The following MAPK8 variants were observed in gnomAD, a reference collection of about 807,000 sequenced individuals.
MAPK8 encodes the protein JUN N-terminal kinase.
A neutral mutation model predicts 52.9 loss-of-function variants in MAPK8; 13 were observed. That is an observed-to-expected ratio of 0.25 (90% CI 0.16 to 0.39). The LOEUF is 0.39. MAPK8 is among the 10% of genes least tolerant of loss of function. MAPK8 has a pLI of 1.00. For missense variants in MAPK8, 300 were observed against 519.2 expected (o/e 0.58, Z 4.10); for synonymous variants, 191 against 169.8 (o/e 1.12, Z -0.97).
chr10:48,385,538 A>G (rs1014627080), intron 1 of MAPK8, among the ~76,000 whole-genome samples: 8 of 152,294 alleles, frequency 5.3e-5, no homozygotes, highest in African/African-American at 1.9e-4. Context: ...AGTGTCTGGC[A>G]CAGATTTATA....
intron 1 of MAPK8, among the ~76,000 whole-genome samples, chr10:48,363,587 T>G (rs1459313762): frequency 1.3e-5 from 2 of 152,232 alleles, no homozygotes; most frequent in East Asian, 3.8e-4. Flanking sequence ...AGTTCAATAC[T>G]ATCTTTTATC....
At chr10:48,361,741 G>A (rs1328284470) in intron 1 of MAPK8, among the ~76,000 whole-genome samples, 3 of 152,070 alleles carry the variant, frequency 2.0e-5, no homozygotes, top group Admixed American at 6.5e-5. Context: ...CCCCTGGGGC[G>A]TAGGGGGGAG....
At chr10:48,321,875 G>A (rs1401809647) in intron 1 of MAPK8, among the ~76,000 whole-genome samples, 2 of 152,088 alleles carry the variant, frequency 1.3e-5, no homozygotes, top group East Asian at 3.9e-4. Flanking sequence ...GGTTCCCACG[G>A]TGTGTTGATT....
chr10:48,327,678 G>A lies in MAPK8; in HGVS notation c.-50+20857G>A, dbSNP rs181292896. ...ATTGGTATCACTTTTTTCCTTAAATGTTTGGAATAATTCACCAGTAAAACT... is the reference window on the plus strand; with the variant it reads ...ATTGGTATCACTTTTTTCCTTAAATATTTGGAATAATTCACCAGTAAAACT... On this transcript the variant is annotated intron_variant, in intron 1 of 11. Coordinates refer to ENST00000374189, the MANE Select transcript of MAPK8 (RefSeq NM_001323329.2). Among the ~76,000 whole-genome samples, 130 of 152,212 alleles carry A rather than the reference G, an allele frequency of 8.5e-4. 1 individual carries two copies. Among genetic ancestry groups the A allele is most frequent in the Admixed American group, 4.6e-3 (71 of 15,284 alleles).
chr10:48,366,792 CT>C, intron 1 of MAPK8, among the ~76,000 whole-genome samples: 1 of 151,630 alleles, frequency 6.6e-6, no homozygotes. Context: ...AATTTTTTTT[CT>C]TTTTTTACCC....
chr10:48,398,265 A>C (rs997442548), intron 1 of MAPK8, among the ~76,000 whole-genome samples: 1 of 152,226 alleles, frequency 6.6e-6, no homozygotes, highest in Non-Finnish European at 1.5e-5. Context: ...CTTAAAACTC[A>C]TAAGAAGACA....
At chr10:48,387,498 A>G (rs952029041) in intron 1 of MAPK8, among the ~76,000 whole-genome samples, 3 of 152,204 alleles carry the variant, frequency 2.0e-5, no homozygotes, top group Admixed American at 2.0e-4. Flanking sequence ...GTAAGATTTT[A>G]TAAGATTATA....
intron 1 of MAPK8, among the ~76,000 whole-genome samples, chr10:48,321,696 A>T (rs1843011930): frequency 6.6e-6 from 1 of 152,190 alleles, no homozygotes; most frequent in Admixed American, 6.5e-5. Flanking sequence ...GTATGGTATA[A>T]GGAAGGCATG....
chr10:48,329,907 G>A (rs990408925), intron 1 of MAPK8, among the ~76,000 whole-genome samples: 2 of 152,178 alleles, frequency 1.3e-5, no homozygotes, highest in African/African-American at 4.8e-5. Context: ...TACTGCTGAT[G>A]AGAGGAAGAG....
chr10:48,425,521 G>T (rs1211247369), intron 7 of MAPK8: 2 of 332,268 alleles, frequency 6.0e-6, no homozygotes, highest in Non-Finnish European at 1.1e-5. Flanking sequence ...TAAATTGACA[G>T]AAAAGGAAAA....
At position 48,435,008 on chromosome 10, in the gene MAPK8, G is replaced by A. The variant is rs755161674; in HGVS notation, c.1263G>A (p.Gly421=). The A allele has an allele frequency of 1.4e-6, 2 of 1,475,206 alleles. No individual in the cohort carries two copies. Among genetic ancestry groups the A allele is most frequent in the South Asian group, 2.3e-5 (2 of 88,834 alleles). The allele number at this position is 1,475,206 out of a possible 1,614,324, so 91.4% of individuals were successfully genotyped here. The change falls in exon 12 of 12, where the codon GGG becomes GGA. Residue 421 remains glycine (G), a synonymous_variant. Coordinates refer to ENST00000374189, the MANE Select transcript of MAPK8 (RefSeq NM_001323329.2). ...DTDSSLEAAA[G]PLGCCR ...ACAGCAGTCTAGAAGCAGCAGCTGGGCCTCTGGGCTGCTGTAGATGACTAC... is the reference window on the plus strand; with the variant it reads ...ACAGCAGTCTAGAAGCAGCAGCTGGACCTCTGGGCTGCTGTAGATGACTAC...
chr10:48,368,005 G>T (rs1325890720), intron 1 of MAPK8, among the ~76,000 whole-genome samples: 2 of 152,146 alleles, frequency 1.3e-5, no homozygotes, highest in African/African-American at 4.8e-5. Flanking sequence ...ATAATGGGTG[G>T]ATTTGAAGGG....
chr10:48,409,844 T>C (rs2042656387), intron 3 of MAPK8, 35 bp from the exon 4 acceptor site: 4 of 1,413,386 alleles, frequency 2.8e-6, no homozygotes, highest in Non-Finnish European at 4.0e-6. Context: ...TATGAAGTAA[T>C]TTCTAATTTT....
At chr10:48,340,006 AC>A in intron 1 of MAPK8, among the ~76,000 whole-genome samples, 1 of 152,330 alleles carries the variant, frequency 6.6e-6, no homozygotes, top group Middle Eastern at 3.4e-3. Flanking sequence ...TTCTCAAAGA[AC>A]TAAAAATAGA....
chr10:48,402,258 G>A (rs757597539), intron 2 of MAPK8, among the ~76,000 whole-genome samples: 4 of 152,180 alleles, frequency 2.6e-5, no homozygotes, highest in Non-Finnish European at 5.9e-5. Context: ...AGCCATTGAA[G>A]ACAAATATCT....
intron 11 of MAPK8, 47 bp from the exon 12 acceptor site, chr10:48,434,837 C>G: frequency 1.9e-6 from 3 of 1,547,258 alleles, no homozygotes; most frequent in Non-Finnish European, 2.6e-6. Context: ...GTAGCTTGAT[C>G]TGCAGCTGTC....
At chr10:48,309,309 G>A (rs1464076842) in intron 1 of MAPK8, among the ~76,000 whole-genome samples, 2 of 152,116 alleles carry the variant, frequency 1.3e-5, no homozygotes, top group Admixed American at 6.5e-5. Flanking sequence ...ACCCCAAGAA[G>A]AAACACCATA....
At chr10:48,342,321 C>T (rs888627727) in intron 1 of MAPK8, among the ~76,000 whole-genome samples, 2 of 152,094 alleles carry the variant, frequency 1.3e-5, no homozygotes, top group African/African-American at 4.8e-5. Context: ...CCAGGCTGGT[C>T]TTGAACTTCC....
intron 9 of MAPK8, chr10:48,426,866 A>G: frequency 2.0e-6 from 1 of 506,712 alleles, no homozygotes; most frequent in Non-Finnish European, 3.5e-6. Flanking sequence ...TTCAAGAGCT[A>G]GAAGAAAAGA....
Sources: gnomAD v4.1 joint callset for allele counts (sites outside exome capture counted in the v4.1 genomes callset) on GRCh38, gnomAD v4.1.1 for gene constraint, MANE v1.5 for transcripts, NCBI Gene and HGNC (gene_info 2026-07-23, HGNC 2026-07-21) for gene names.